The following FLNA variants were observed in gnomAD, a reference collection of about 807,000 sequenced individuals.
FLNA encodes filamin-A.
A neutral mutation model predicts 157.6 loss-of-function variants in FLNA; 7 were observed. The observed-to-expected ratio is 0.04, with a 90% CI of 0.03 to 0.08. FLNA has a LOEUF of 0.08. Among genes scored for constraint, FLNA ranks in the 10% least tolerant of loss-of-function variants. The probability of loss-of-function intolerance (pLI) is 1.00; values close to 1 mark genes in which losing one functional copy is unlikely to be tolerated. For synonymous variants in FLNA, 1,103 were observed against 1,060.8 expected, an observed-to-expected ratio of 1.04 and a Z score of -0.77; for missense variants, 1,750 against 2,398.4, an observed-to-expected ratio of 0.73 and a Z score of 5.65.
In FLNA at chrX:154,357,529, G is replaced by A. The variant is rs1557177089; in HGVS notation, c.4850C>T (p.Thr1617Ile). 8.3e-7 allele frequency: 1 copy of A among 1,211,441 alleles called. No homozygotes were observed. Among genetic ancestry groups the A allele is most frequent in the East Asian group, 3.0e-5 (1 of 33,865 alleles). Residue 1617 changes from threonine to isoleucine, a missense_variant, in exon 29 of 48, where the codon ACC becomes ATC. By Grantham distance (89) the Thr-to-Ile change is moderately conservative (BLOSUM62 -1). Around this residue, in one of 5 missense-constraint regions of FLNA, gnomAD observed 970 missense variants for 1,302.6 expected, o/e 0.74. Coordinates refer to ENST00000369850, the MANE Select transcript of FLNA (RefSeq NM_001110556.2). ...GTCACCACCGTACTTGATGAGGATG[G>A]TGTAGCGACCTGTCACGTCTGGCAC... ...AYVPDVTGRY[T>I]ILIKYGGDEI... is the part of the protein sequence containing the mutation.
At chrX:154,363,361 T>C in intron 15 of FLNA, among the ~76,000 whole-genome samples, 1 of 107,187 alleles carries the variant, frequency 9.3e-6, no homozygotes, top group Middle Eastern at 5.1e-3. Flanking sequence ...GAGGTTGCAG[T>C]GAGCTGAGAT....
At chrX:154,357,306 G>A in intron 29 of FLNA, 32 bp from the exon 30 acceptor site, 3 of 1,207,851 alleles carry the variant, frequency 2.5e-6, no homozygotes, top group Non-Finnish European at 3.4e-6. Context: ...CAAGGAGAAA[G>A]GTCAGGTGAG....
chrX:154,358,164 C>T (rs1302171634), intron 28 of FLNA, 35 bp downstream of exon 28: 2 of 1,200,462 alleles, frequency 1.7e-6, no homozygotes, highest in African/African-American at 3.5e-5. Flanking sequence ...GCCGCCCAGG[C>T]CCCCCTGCCT....
chrX:154,366,854 G>C lies in FLNA; in HGVS notation c.869-4C>G, dbSNP rs1557179426. ...ATGTTGCCTGTGGGCTCGATGCCTGGCAGGGGAAGGCGAGCCAACCACGGG... is the reference window on the plus strand; with the variant it reads ...ATGTTGCCTGTGGGCTCGATGCCTGCCAGGGGAAGGCGAGCCAACCACGGG... On this transcript the variant is annotated splice_region_variant and splice_polypyrimidine_tract_variant and intron_variant, in intron 5 of 47. Transcript: ENST00000369850. The C allele has an allele frequency of 8.4e-7, 1 of 1,193,479 alleles. No individual in the cohort carries two copies. Among genetic ancestry groups the C allele is most frequent in the Non-Finnish European group, 1.1e-6 (1 of 878,972 alleles).
Position 154,358,228 on chromosome X carries a change from C to T in FLNA, c.4726G>A (p.Gly1576Arg), listed in dbSNP as rs797045044. 4 of 1,209,462 alleles carry T rather than the reference C, an allele frequency of 3.3e-6. No homozygotes were observed. Among genetic ancestry groups the T allele is most frequent in the Non-Finnish European group, 4.5e-6 (4 of 895,121 alleles). Reference sequence around the variant, plus strand: ...ATCTGGACAGCCAGCAGGCCCTCCCCGGCGTCCTTTGCATCGATGGTGAAC... The same window carrying T: ...ATCTGGACAGCCAGCAGGCCCTCCCTGGCGTCCTTTGCATCGATGGTGAAC... ...VEFTIDAKDA[G>R]EGLLAVQITD... The change falls in exon 28 of 48, where the codon GGG becomes AGG. Residue 1576 changes from glycine (G) to arginine (R), a missense_variant. Transcript: ENST00000369850.
chrX:154,363,412 C>G (rs1189322641), intron 15 of FLNA, among the ~76,000 whole-genome samples: 1 of 96,256 alleles, frequency 1.0e-5, no homozygotes, highest in East Asian at 3.2e-4. Context: ...AGCAAAACTC[C>G]GGCTCAAAAA....
In FLNA at chrX:154,365,129, G is replaced by A; in HGVS notation, c.1691+7C>T. 3.3e-6 allele frequency: 4 copies of A among 1,211,410 alleles called. No individual in the cohort carries two copies. Among genetic ancestry groups the A allele is most frequent in the Non-Finnish European group, 4.5e-6 (4 of 895,242 alleles). ...AGAGCTGGGAGAGGGATGCCTGGGGGCCTCACCTGCGCCCGATGTTCTGAC... is the reference window on the plus strand; with the variant it reads ...AGAGCTGGGAGAGGGATGCCTGGGGACCTCACCTGCGCCCGATGTTCTGAC... On this transcript the variant is annotated splice_region_variant and intron_variant, in intron 11 of 47. Transcript: ENST00000369850.
At position 154,367,379 on chromosome X, in the gene FLNA, C is replaced by A. The variant is rs1557179530; in HGVS notation, c.868+18G>T. On this transcript the variant is annotated intron_variant, in intron 5 of 47. Transcript: ENST00000369850. ...AAGACGTTGGCACACGGGTGCACCC[C>A]TGGTGGGGCTCCCTCACCTGGCCCG... The A allele has an allele frequency of 8.3e-7, 1 of 1,210,282 alleles. No individual in the cohort carries two copies. The highest frequency in any genetic ancestry group is 1.1e-6 in the Non-Finnish European group (1 of 894,628).
At chrX:154,373,863 G>A (rs1057283375) in intron 1 of FLNA, among the ~76,000 whole-genome samples, 1 of 113,152 alleles carries the variant, frequency 8.8e-6, no homozygotes, top group Non-Finnish European at 1.9e-5. Context: ...TATTTTGCCT[G>A]GCCCCAGGTG....
In FLNA at chrX:154,353,922, T is replaced by C. The variant is rs782551375; in HGVS notation, c.5679A>G (p.Ala1893=). ...ACCAGAGCTATTGCTCACCCTCTCCTGCATCCTTGGTGTTGACGGTGAAGG... is the reference window on the plus strand; with the variant it reads ...ACCAGAGCTATTGCTCACCCTCTCCCGCATCCTTGGTGTTGACGGTGAAGG... ...PATFTVNTKD[A]GEGGLSLAIE... is the part of the protein sequence containing the mutation. The change falls in exon 35 of 48, where the codon GCA becomes GCG. Residue 1893 remains alanine (A), a synonymous_variant. Transcript: ENST00000369850. The C allele has an allele frequency of 1.6e-6, 2 of 1,212,181 alleles. No individual in the cohort carries two copies. Among genetic ancestry groups the C allele is most frequent in the Non-Finnish European group, 1.1e-6 (1 of 895,490 alleles).
At position 154,364,168 on chromosome X, in the gene FLNA, G is replaced by A. The variant is rs1315164840; in HGVS notation, c.2137-3C>T. 2 of 1,211,290 alleles carry A rather than the reference G, an allele frequency of 1.7e-6. No individual in the cohort carries two copies. Among genetic ancestry groups the A allele is most frequent in the Non-Finnish European group, 2.2e-6 (2 of 895,375 alleles). On this transcript the variant is annotated splice_region_variant and splice_polypyrimidine_tract_variant and intron_variant, in intron 14 of 47. Transcript: ENST00000369850. ...TCCACAGGGCAGCCTTCATTGTCCT[G>A]TCAGGCAGATAGGAGCAGGTGGCCT...
intron 30 of FLNA, among the ~76,000 whole-genome samples, chrX:154,356,016 C>T (rs1159020991): frequency 8.9e-6 from 1 of 112,597 alleles, no homozygotes; most frequent in Non-Finnish European, 1.9e-5. Flanking sequence ...CTGCACTAGG[C>T]TCCATGCTGG....
rs781962741 is a variant in FLNA at position 154,353,448 on chromosome X, G to C, written c.5870C>G (p.Ser1957Cys). ...PFTARVTGDD[S>C]MRMSHLKVGS... ...GACCTTTAGGTGGGACATACGCATGGAGTCGTCACCTGGTGGGGACAGGCC... is the reference window on the plus strand; with the variant it reads ...GACCTTTAGGTGGGACATACGCATGCAGTCGTCACCTGGTGGGGACAGGCC... Residue 1957 changes from serine (S) to cysteine (C), a missense_variant, in exon 37 of 48, where the codon TCC (serine) becomes TGC (cysteine). Physicochemically the swap from Ser to Cys is moderately radical, Grantham distance 112 (BLOSUM62 -1). Around this residue, in one of 5 missense-constraint regions of FLNA, gnomAD observed 970 missense variants for 1,302.6 expected, o/e 0.74. Coordinates refer to ENST00000369850, the MANE Select transcript of FLNA (RefSeq NM_001110556.2). 18 of 1,211,635 alleles carry C rather than the reference G, an allele frequency of 1.5e-5. 1 individual carries two copies. The South Asian group carries it at 3.0e-4, about 20-fold the overall frequency.
At position 154,349,701 on chromosome X, in the gene FLNA, C is replaced by T. The variant is rs2067604074; in HGVS notation, c.7500G>A (p.Lys2500=). ...MAPGSYLISI[K]YGGPYHIGGS... ...CCCCAATGTGGTAGGGGCCGCCGTA[C>T]TTGATGGAGATGAGGTAGCTGCCAG... The change falls in exon 46 of 48, where the codon AAG becomes AAA. Residue 2500 remains lysine (K), a synonymous_variant. Coordinates refer to ENST00000369850, the MANE Select transcript of FLNA (RefSeq NM_001110556.2). The T allele has an allele frequency of 1.7e-6, 2 of 1,212,048 alleles. No homozygotes were observed. The highest frequency in any genetic ancestry group is 2.2e-5 in the Admixed American group (1 of 46,146).
chrX:154,368,216 G>A, intron 2 of FLNA, 126 bp from the exon 3 acceptor site: 3 of 977,501 alleles, frequency 3.1e-6, no homozygotes, highest in Non-Finnish European at 4.3e-6. Context: ...ACCCCCTCTT[G>A]GCCAGTGGTA....
rs2067620931 is a variant in FLNA at position 154,351,695 on chromosome X, A to G, written c.6909T>C (p.Gly2303=). ...CGVAYVVQEP[G]DYEVSVKFNE... is the part of the protein sequence containing the mutation. ...TGAACTTGACTGAGACTTCGTAGTC[A>G]CCTGGGCAGGGAAAGAGTGTAAGAC... The change falls in exon 43 of 48, where the codon GGT becomes GGC. Residue 2303 remains glycine, a splice_region_variant and synonymous_variant. Transcript: ENST00000369850. The G allele has an allele frequency of 1.7e-6, 2 of 1,185,015 alleles. No individual in the cohort carries two copies. The highest frequency in any genetic ancestry group is 2.3e-6 in the Non-Finnish European group (2 of 871,113).
intron 26 of FLNA, 106 bp from the exon 27 acceptor site, chrX:154,358,674 T>C (rs1234299631): frequency 1.4e-5 from 14 of 994,906 alleles, no homozygotes; most frequent in Non-Finnish European, 1.8e-5. Flanking sequence ...GACCTCGCTT[T>C]ATCCTCATCC....
At chrX:154,371,644 G>A (rs1557180385) in intron 1 of FLNA, among the ~76,000 whole-genome samples, 3 of 113,472 alleles carry the variant, frequency 2.6e-5, no homozygotes, top group Non-Finnish European at 3.8e-5. Flanking sequence ...AGGCTGAGCA[G>A]TGTCTGGCGC....
chrX:154,368,207 C>T (rs1466950985), intron 2 of FLNA, 117 bp from the exon 3 acceptor site: 3 of 1,037,950 alleles, frequency 2.9e-6, no homozygotes, highest in Non-Finnish European at 4.0e-6. Flanking sequence ...GAGGTAGACA[C>T]CCCCTCTTGG....
Sources: gnomAD v4.1 joint callset for allele counts (sites outside exome capture counted in the v4.1 genomes callset) on GRCh38, gnomAD v4.1.1 for gene constraint, gnomAD v4.1.1 regional missense constraint, MANE v1.5 for transcripts, NCBI Gene and HGNC (gene_info 2026-07-23, HGNC 2026-07-21) for gene names.